KIRREL3: variants seen among roughly 807,000 people sequenced by gnomAD.
KIRREL3 encodes kin of IRRE-like protein 3.
In KIRREL3, 36 loss-of-function variants were observed where a neutral mutation model predicts 89.7. That is an observed-to-expected ratio of 0.40 (90% CI 0.31 to 0.53). The LOEUF (loss-of-function observed/expected upper bound fraction) is 0.53. Ranked by LOEUF, KIRREL3 falls within the 20% of genes least tolerant of loss-of-function variation. KIRREL3 has a pLI of 0.49. For synonymous variants in KIRREL3, 445 were observed against 441.4 expected, an observed-to-expected ratio of 1.01 and a Z score of -0.10; for missense variants, 864 against 1,056.6, an observed-to-expected ratio of 0.82 and a Z score of 2.53.
At chr11:126,560,304 A>G (rs1219607406) in intron 2 of KIRREL3, among the ~76,000 whole-genome samples, 1 of 152,090 alleles carries the variant, frequency 6.6e-6, no homozygotes, top group Non-Finnish European at 1.5e-5. Flanking sequence ...TACACTCTCC[A>G]TATATTACCA....
At position 126,883,711 on chromosome 11, in the gene KIRREL3, A is replaced by G. The variant is rs2076225751; in HGVS notation, c.55+116744T>C. On this transcript the variant is annotated intron_variant, in intron 1 of 16. Coordinates refer to ENST00000525144, the MANE Select transcript of KIRREL3 (RefSeq NM_032531.4). This position sits in a 1 kb window ranked among gnomAD's most constrained non-coding sequence, Gnocchi z 4.1. ...TCACACTGTGAGGATCTCCTGGACA[A>G]GCATTAGTCTCAGAACTTATGTTTG... 6.6e-6 allele frequency among the ~76,000 whole-genome samples: 1 copy of G among 152,148 alleles called. No individual in the cohort carries two copies.
chr11:126,968,889 T>G (rs1197548593), intron 1 of KIRREL3, among the ~76,000 whole-genome samples: 1 of 152,130 alleles, frequency 6.6e-6, no homozygotes, highest in Non-Finnish European at 1.5e-5. Flanking sequence ...GGAAAAGGAC[T>G]GTACCTCTCT....
rs926901221 is a variant in KIRREL3 at position 126,601,828 on chromosome 11, C to T, written c.56-38916G>A. Among the ~76,000 whole-genome samples the T allele has an allele frequency of 7.2e-5, 11 of 152,212 alleles. No homozygotes were observed. Among genetic ancestry groups the T allele is most frequent in the African/African-American group, 2.7e-4 (11 of 41,450 alleles). ...GGAGCTCCATTCCCTCGTGCCATCT[C>T]CCGTTTTTAAGGACTGGACTAAAGG... On this transcript the variant is annotated intron_variant, in intron 1 of 16. Coordinates refer to ENST00000525144, the MANE Select transcript of KIRREL3 (RefSeq NM_032531.4). This position sits in a 1 kb window ranked among gnomAD's most constrained non-coding sequence, Gnocchi z 5.8.
At chr11:126,922,173 A>G (rs182872694) in intron 1 of KIRREL3, among the ~76,000 whole-genome samples, 1 of 136,854 alleles carries the variant, frequency 7.3e-6, no homozygotes, top group Non-Finnish European at 1.6e-5. Flanking sequence ...CTATCTATCT[A>G]TCTCTATCAT....
At chr11:126,757,993 T>G (rs951275944) in intron 1 of KIRREL3, among the ~76,000 whole-genome samples, 4 of 152,216 alleles carry the variant, frequency 2.6e-5, no homozygotes, top group African/African-American at 9.6e-5. Context: ...GGGAAAAGCA[T>G]AAGTTGTTGC....
intron 1 of KIRREL3, among the ~76,000 whole-genome samples, chr11:126,803,273 G>C (rs1951097987): frequency 1.3e-5 from 2 of 152,114 alleles, no homozygotes; most frequent in Admixed American, 1.3e-4. Flanking sequence ...GAACACAACT[G>C]AGCTGGGCCC....
rs1263230929 is a variant in KIRREL3, at chr11:126,723,804, C to T, written c.56-160892G>A. On this transcript the variant is annotated intron_variant, in intron 1 of 16. Transcript: ENST00000525144. The surrounding 1 kb of genome is among the most constrained non-coding windows in gnomAD (Gnocchi z 4.0). ...GAAGGAAAAGACTTGCACAGATGCT[C>T]TTTGTGACTCAGAACTTTGGAAAAA... is the stretch of plus-strand genomic sequence containing the variant. 6.6e-6 allele frequency among the ~76,000 whole-genome samples: 1 copy of T among 152,188 alleles called. No homozygotes were observed. The highest frequency in any genetic ancestry group is 1.5e-5 in the Non-Finnish European group (1 of 68,038).
Position 126,491,436 on chromosome 11 carries a change from T to C in KIRREL3, c.434-17970A>G, listed in dbSNP as rs7937654. Among the ~76,000 whole-genome samples the C allele has an allele frequency of 0.38, 58,049 of 151,996 alleles. 11,849 individuals are homozygous for C. The highest frequency in any genetic ancestry group is 0.46 in the Non-Finnish European group (31,429 of 67,946). On this transcript the variant is annotated intron_variant, in intron 4 of 16. Coordinates refer to ENST00000525144, the MANE Select transcript of KIRREL3 (RefSeq NM_032531.4). This position sits in a 1 kb window ranked among gnomAD's most constrained non-coding sequence, Gnocchi z 5.5. ...CTGGCTGAGAACTAATTCAAGGCCA[T>C]GTGACTCTGGCTAAAGCCTGCATCC...
Position 126,582,943 on chromosome 11 carries a change from T to C in KIRREL3, c.56-20031A>G, listed in dbSNP as rs540616307. Among the ~76,000 whole-genome samples the C allele has an allele frequency of 3.9e-5, 6 of 152,360 alleles. No homozygotes were observed. The South Asian group carries it at 1.2e-3, about 32-fold the overall frequency. ...TGAGGGCTTAGATAGCCTAAGTGAC[T>C]TGCCCAAAGCTACACAGTCAGTAAA... On this transcript the variant is annotated intron_variant, in intron 1 of 16. Coordinates refer to ENST00000525144, the MANE Select transcript of KIRREL3 (RefSeq NM_032531.4).
rs1389769447 is a variant in KIRREL3 at position 126,694,689 on chromosome 11, A to T, written c.56-131777T>A. 6.6e-6 allele frequency among the ~76,000 whole-genome samples: 1 copy of T among 152,096 alleles called. No homozygotes were observed. Among genetic ancestry groups the T allele is most frequent in the Non-Finnish European group, 1.5e-5 (1 of 68,006 alleles). On this transcript the variant is annotated intron_variant, in intron 1 of 16. Coordinates refer to ENST00000525144, the MANE Select transcript of KIRREL3 (RefSeq NM_032531.4). This position sits in a 1 kb window ranked among gnomAD's most constrained non-coding sequence, Gnocchi z 4.4. ...GGGCAGGTACTGACTTCTATGAGCC[A>T]CCTTTTTTAAAAAAAATTCTCTACA...
chr11:126,694,253 C>G lies in KIRREL3; in HGVS notation c.56-131341G>C, dbSNP rs189196826. Reference sequence around the variant, plus strand: ...CAGTCCGAACTCCTAGCTCATCAAACCTTGGAAATGCTCACTGCAAATGGT... The same window carrying G: ...CAGTCCGAACTCCTAGCTCATCAAAGCTTGGAAATGCTCACTGCAAATGGT... On this transcript the variant is annotated intron_variant, in intron 1 of 16. Transcript: ENST00000525144. The surrounding 1 kb of genome is among the most constrained non-coding windows in gnomAD (Gnocchi z 4.4). 6.6e-6 allele frequency among the ~76,000 whole-genome samples: 1 copy of G among 152,306 alleles called. No individual in the cohort carries two copies. The highest frequency in any genetic ancestry group is 2.4e-5 in the African/African-American group (1 of 41,578).
At chr11:126,440,617 G>A (rs564313239) in intron 10 of KIRREL3, 68 bp from the exon 11 acceptor site, 2 of 1,353,654 alleles carry the variant, frequency 1.5e-6, no homozygotes, top group African/African-American at 2.9e-5. Flanking sequence ...CTCTTGGGTG[G>A]GTTCAGAAGT....
At chr11:126,733,531 AGCCATTAT>A (rs56323010) in intron 1 of KIRREL3, among the ~76,000 whole-genome samples, 93,127 of 151,498 alleles carry the variant, frequency 0.61, 29,300 homozygotes, top group East Asian at 0.94. Flanking sequence ...ATTGATATTC[AGCCATTAT>A]GCCATTATAC....
rs1939230936 is a variant in KIRREL3 at position 126,551,173 on chromosome 11, C to T, written c.133+11662G>A. Among the ~76,000 whole-genome samples, 1 of 152,172 alleles carries T rather than the reference C, an allele frequency of 6.6e-6. No homozygotes were observed. The highest frequency in any genetic ancestry group is 1.5e-5 in the Non-Finnish European group (1 of 68,024). ...ACGCCCTCCCTGAGTGCGCCACCCTCCAGGAAGCTTTACATGCTCAGCTGC... is the reference window on the plus strand; with the variant it reads ...ACGCCCTCCCTGAGTGCGCCACCCTTCAGGAAGCTTTACATGCTCAGCTGC... On this transcript the variant is annotated intron_variant, in intron 2 of 16. Coordinates refer to ENST00000525144, the MANE Select transcript of KIRREL3 (RefSeq NM_032531.4). The surrounding 1 kb of genome is among the most constrained non-coding windows in gnomAD (Gnocchi z 4.9).
Position 126,515,006 on chromosome 11 carries a change from C to T in KIRREL3, c.433+6309G>A, listed in dbSNP as rs143918458. On this transcript the variant is annotated intron_variant, in intron 4 of 16. Coordinates refer to ENST00000525144, the MANE Select transcript of KIRREL3 (RefSeq NM_032531.4). This position sits in a 1 kb window ranked among gnomAD's most constrained non-coding sequence, Gnocchi z 4.2. ...GCCATGAGGAACATTTACTGAACAC[C>T]CAGTATGTGATTCTAGGCTGTGCTA... 3.9e-3 allele frequency among the ~76,000 whole-genome samples: 588 copies of T among 152,248 alleles called. 2 individuals carry two copies. Among genetic ancestry groups the T allele is most frequent in the Middle Eastern group, 0.014 (4 of 294 alleles).
rs898877808 is a variant in KIRREL3, at chr11:126,931,849, C to T, written c.55+68606G>A. ...CCAGCACCCAGGGAGCCCCAGGACA[C>T]GTGTTGCCTTCTCACCCCAATAGGA... On this transcript the variant is annotated intron_variant, in intron 1 of 16. Transcript: ENST00000525144. This position sits in a 1 kb window ranked among gnomAD's most constrained non-coding sequence, Gnocchi z 5.1. 5.3e-5 allele frequency among the ~76,000 whole-genome samples: 8 copies of T among 152,112 alleles called. No homozygotes were observed. The highest frequency in any genetic ancestry group is 1.2e-4 in the African/African-American group (5 of 41,416).
Position 126,970,880 on chromosome 11 carries a change from A to T in KIRREL3, c.55+29575T>A, listed in dbSNP as rs886877545. ...CAATGAGGCTCACCTGCTGCCAGGTATCTACGCAGCAGGAGAACCACAAAC... is the reference window on the plus strand; with the variant it reads ...CAATGAGGCTCACCTGCTGCCAGGTTTCTACGCAGCAGGAGAACCACAAAC... On this transcript the variant is annotated intron_variant, in intron 1 of 16. Transcript: ENST00000525144. This position sits in a 1 kb window ranked among gnomAD's most constrained non-coding sequence, Gnocchi z 4.4. 1.3e-5 allele frequency among the ~76,000 whole-genome samples: 2 copies of T among 152,230 alleles called. No individual in the cohort carries two copies. The highest frequency in any genetic ancestry group is 4.8e-5 in the African/African-American group (2 of 41,462).
chr11:126,621,930 T>C (rs562761983), intron 1 of KIRREL3, among the ~76,000 whole-genome samples: 2 of 152,266 alleles, frequency 1.3e-5, no homozygotes, highest in African/African-American at 4.8e-5. Context: ...CTAACATGGA[T>C]AAAAAAATGC....
At position 126,953,743 on chromosome 11, in the gene KIRREL3, T is replaced by C. The variant is rs118171052; in HGVS notation, c.55+46712A>G. Among the ~76,000 whole-genome samples the C allele has an allele frequency of 1.5e-3, 222 of 152,290 alleles. 2 individuals carry two copies. In the East Asian group the frequency reaches 0.028, roughly 19 times the overall value. ...ATTCTGACACATTTAAACCACAGAC[T>C]AGCAGGAAAGAGTTTTCATGATTTC... On this transcript the variant is annotated intron_variant, in intron 1 of 16. Transcript: ENST00000525144. The surrounding 1 kb of genome is among the most constrained non-coding windows in gnomAD (Gnocchi z 5.2).
Sources: allele counts gnomAD v4.1 joint callset (sites outside exome capture counted in the v4.1 genomes callset), GRCh38; gene constraint gnomAD v4.1.1; non-coding constraint Gnocchi (gnomAD v3.1); transcripts MANE v1.5; gene names NCBI Gene and HGNC (gene_info 2026-07-23, HGNC 2026-07-21).